The following TAF1D variants were observed in gnomAD, a reference collection of about 807,000 sequenced individuals.
TAF1D encodes the protein TATA-box binding protein associated factor, RNA polymerase I subunit D, also known as TATA box-binding protein-associated factor RNA polymerase I subunit D.
TAF1D carries 23 observed loss-of-function variants against 26.2 expected under a neutral mutation model. The ratio of observed to expected loss-of-function variants is 0.88; its 90% confidence interval spans 0.63 to 1.25. The LOEUF (loss-of-function observed/expected upper bound fraction) is 1.25, where lower values mean the gene tolerates loss of function less well. Ranked by LOEUF, TAF1D falls within the 50% of genes most tolerant of loss-of-function variation. TAF1D has a pLI of 0.00. For synonymous variants in TAF1D, 100 were observed against 105.6 expected (o/e 0.95, Z 0.33); for missense variants, 299 against 322.0 (o/e 0.93, Z 0.55).
downstream of TAF1D, chr11:93,731,854 C>T (rs1240437017): frequency 5.6e-6 from 2 of 358,566 alleles, no homozygotes; most frequent in Non-Finnish European, 1.1e-5. Context: ...ATCCAAGACA[C>T]AGTAATGTAT....
intron 3 of TAF1D, 122 bp downstream of exon 3, chr11:93,737,987 G>T (rs1941143945): frequency 8.6e-7 from 1 of 1,160,232 alleles, no homozygotes; most frequent in Non-Finnish European, 1.2e-6. Flanking sequence ...AGTCAGTATA[G>T]AAGAGTATCA....
chr11:93,734,585 C>A (rs968105145), downstream of TAF1D: 1 of 518,608 alleles, frequency 1.9e-6, no homozygotes, highest in Non-Finnish European at 3.5e-6. Context: ...GTTTCCTACA[C>A]ATAAACAAAT....
At chr11:93,730,214 T>C (rs1251090554) in exon 12 of TAF1D, 1 of 1,551,356 alleles carries the variant, frequency 6.4e-7, no homozygotes, top group South Asian at 1.2e-5. Context: ...AAACTCAAAT[T>C]TTTATTCCTT....
downstream of TAF1D, chr11:93,731,529 A>G (rs1938814048): frequency 3.9e-6 from 2 of 518,902 alleles, no homozygotes; most frequent in Non-Finnish European, 3.8e-6. Context: ...ATTTTCATTC[A>G]GCCCCTTCAG....
In TAF1D at chr11:93,735,890, G is replaced by T. The variant is rs964756044; in HGVS notation, c.*271C>A. ...TTGTTTCAATACTCACAGGACACCTGTAAGCTCTTATTCAGAAATCAAATG... is the reference window on the plus strand; with the variant it reads ...TTGTTTCAATACTCACAGGACACCTTTAAGCTCTTATTCAGAAATCAAATG... On this transcript the variant is annotated 3_prime_UTR_variant, in exon 6 of 6. Transcript: ENST00000448108. The T allele has an allele frequency of 9.1e-6, 11 of 1,208,964 alleles. No individual in the cohort carries two copies. The Middle Eastern group carries it at 1.0e-3, about 112-fold the overall frequency. 74.9% of individuals were successfully genotyped at this position (1,208,964 alleles called of 1,614,324 possible).
downstream of TAF1D, chr11:93,730,954 T>C: frequency 2.0e-6 from 1 of 496,900 alleles, no homozygotes; most frequent in South Asian, 1.5e-5. Flanking sequence ...ATTTTATTTG[T>C]ATTGCATTTC....
At position 93,738,212 on chromosome 11, in the gene TAF1D, A is replaced by T. The variant is rs1941180415; in HGVS notation, c.356T>A (p.Leu119Gln). The change falls in exon 3 of 6, where the codon CTA (leucine) becomes CAA (glutamine). Residue 119 changes from leucine (L) to glutamine (Q), a missense_variant. Transcript: ENST00000448108. ...PEGRRNPIYSLIDKKKQFRSR... is the reference protein window; with the variant it reads ...PEGRRNPIYSQIDKKKQFRSR... ...TCTAAATTGTTTCTTCTTATCTATT[A>T]GTGAGTATATAGGATTTCTCCTTCC... is the stretch of plus-strand genomic sequence containing the variant. The T allele has an allele frequency of 1.2e-6, 2 of 1,609,794 alleles. No homozygotes were observed. The highest frequency in any genetic ancestry group is 4.5e-5 in the East Asian group (2 of 44,802).
chr11:93,733,485 C>T (rs1435485676), downstream of TAF1D: 2 of 518,790 alleles, frequency 3.9e-6, no homozygotes, highest in South Asian at 2.8e-5. Context: ...GTAATTCCTT[C>T]CCACAGATCT....
chr11:93,733,692 G>A (rs766304845), downstream of TAF1D: 3 of 453,014 alleles, frequency 6.6e-6, no homozygotes, highest in Admixed American at 4.9e-5. Context: ...TTGAGCCCAG[G>A]GGTTCGAGGC....
chr11:93,738,973 G>A (rs559159853), intron 2 of TAF1D: 9 of 482,552 alleles, frequency 1.9e-5, no homozygotes, highest in Admixed American at 3.9e-5. Flanking sequence ...CTACCGAACC[G>A]GAGGATGTAG....
At chr11:93,730,278 A>C in exon 12 of TAF1D, 1 of 1,530,580 alleles carries the variant, frequency 6.5e-7, no homozygotes, top group Non-Finnish European at 8.9e-7. Context: ...GACTTTCTAG[A>C]AATAGTGTAA....
chr11:93,736,522 GTTCT>G (rs1940804117), intron 5 of TAF1D, 168 bp downstream of exon 5: 10 of 1,423,366 alleles, frequency 7.0e-6, no homozygotes, highest in Admixed American at 3.3e-5. Context: ...AAAACCCCAT[GTTCT>G]TTATCAAGTC....
downstream of TAF1D, chr11:93,733,435 G>T (rs1939748382): frequency 1.9e-6 from 1 of 518,402 alleles, no homozygotes; most frequent in Non-Finnish European, 3.8e-6. Flanking sequence ...TTTTCATAAC[G>T]TTTAGCAACC....
At chr11:93,733,554 G>A (rs1192338320), downstream of TAF1D, 2 of 518,716 alleles carry the variant, frequency 3.9e-6, no homozygotes, top group Non-Finnish European at 7.7e-6. Flanking sequence ...CGTTTCCAAC[G>A]ATGTGCAGGC....
exon 12 of TAF1D, chr11:93,730,408 C>T: frequency 1.3e-6 from 1 of 799,648 alleles, no homozygotes; most frequent in Non-Finnish European, 2.2e-6. Flanking sequence ...TTTAGATCCT[C>T]TAAAGAGCTG....
chr11:93,730,424 A>T, exon 12 of TAF1D: 2 of 769,836 alleles, frequency 2.6e-6, no homozygotes, highest in Non-Finnish European at 4.6e-6. Flanking sequence ...AGCTGGAGTC[A>T]AAAGATTTAT....
downstream of TAF1D, chr11:93,733,679 C>T (rs1440044583): frequency 1.9e-5 from 9 of 468,318 alleles, no homozygotes; most frequent in Non-Finnish European, 3.8e-5. Context: ...CTTGCTGAAT[C>T]ACTTGAGCCC....
At chr11:93,730,349 A>G (rs1938286511) in exon 12 of TAF1D, 4 of 1,045,874 alleles carry the variant, frequency 3.8e-6, no homozygotes, top group African/African-American at 1.6e-5. Context: ...ATAAATTGTT[A>G]TTCGAGGAAT....
chr11:93,736,820 C>CAGAG, intron 4 of TAF1D, 69 bp from the exon 5 acceptor site: 5 of 1,472,178 alleles, frequency 3.4e-6, no homozygotes, highest in Non-Finnish European at 4.6e-6. Context: ...ATATTCCACT[C>CAGAG]TGAAATATAA....
Sources: allele counts gnomAD v4.1 joint callset, GRCh38; gene constraint gnomAD v4.1.1; transcripts MANE v1.5; gene names NCBI Gene and HGNC (gene_info 2026-07-23, HGNC 2026-07-21).